ABCA12: variants seen among roughly 807,000 people sequenced by gnomAD.
The protein encoded by ABCA12 is glucosylceramide transporter ABCA12.
In ABCA12, 156 loss-of-function variants were observed where a neutral mutation model predicts 293.5. That is an observed-to-expected ratio of 0.53 (90% CI 0.47 to 0.61). ABCA12 has a LOEUF of 0.61. ABCA12 is among the 20% of genes least tolerant of loss of function. The probability of loss-of-function intolerance (pLI) is 0.00; values close to 1 mark genes in which losing one functional copy is unlikely to be tolerated. For synonymous variants in ABCA12, 1,063 were observed against 1,108.0 expected, an observed-to-expected ratio of 0.96 and a Z score of 0.81; for missense variants, 2,797 against 3,090.2, an observed-to-expected ratio of 0.91 and a Z score of 2.25.
Position 214,990,749 on chromosome 2 carries a change from GAAC to G in ABCA12, c.3574_3576del (p.Val1192del), listed in dbSNP as rs1426751757. 1.9e-6 allele frequency: 3 copies of G among 1,613,862 alleles called. No homozygotes were observed. The highest frequency in any genetic ancestry group is 2.5e-6 in the Non-Finnish European group (3 of 1,179,970). ...CTCAACTCATTCTCCACTGTAACCA[GAAC>G]AATAAATGGAAAGAAGGCAATGATG... On this transcript the variant is annotated inframe_deletion, in exon 24 of 53. Transcript: ENST00000272895.
intron 2 of ABCA12, among the ~76,000 whole-genome samples, chr2:215,102,509 G>A (rs1702380615): frequency 6.6e-6 from 1 of 152,176 alleles, no homozygotes; most frequent in Non-Finnish European, 1.5e-5. Context: ...TGAGGCAGGA[G>A]AATTGCTTGA....
chr2:214,963,850 G>A (rs912364290), intron 39 of ABCA12, among the ~76,000 whole-genome samples: 1 of 149,668 alleles, frequency 6.7e-6, no homozygotes, highest in Non-Finnish European at 1.5e-5. Context: ...AACCCGGGAG[G>A]CAGAGGTTGT....
intron 2 of ABCA12, among the ~76,000 whole-genome samples, chr2:215,093,929 G>T (rs1702199320): frequency 6.6e-6 from 1 of 152,180 alleles, no homozygotes; most frequent in Middle Eastern, 3.4e-3. Context: ...TCCTCACCCT[G>T]ATCACACTTG....
intron 5 of ABCA12, 28 bp downstream of exon 5, chr2:215,052,459 T>C: frequency 1.3e-6 from 2 of 1,575,114 alleles, no homozygotes; most frequent in Non-Finnish European, 1.7e-6. Context: ...TGAATCACTC[T>C]ACCCATTACA....
intron 1 of ABCA12, among the ~76,000 whole-genome samples, chr2:215,113,648 C>A (rs1297585027): frequency 1.3e-5 from 2 of 152,060 alleles, no homozygotes; most frequent in Admixed American, 6.6e-5. Context: ...TGGAAAATTT[C>A]TTTGGGATCA....
Position 215,049,682 on chromosome 2 carries a change from A to G in ABCA12, c.637T>C (p.Ser213Pro). 6.2e-7 allele frequency: 1 copy of G among 1,613,690 alleles called. No homozygotes were observed. Among genetic ancestry groups the G allele is most frequent in the African/African-American group, 1.3e-5 (1 of 75,032 alleles). ...GAAGACTCTAAAAGGGTCATGTTAG[A>G]AAGGCAAAATTTGTTAAAAACATTT... ...GRNVFNKFCL[S>P]NMTLLESSLQ... is the part of the protein sequence containing the mutation. Residue 213 changes from serine to proline, a missense_variant, in exon 6 of 53, where the codon TCT becomes CCT. Physicochemically the swap from Ser to Pro is moderately conservative, Grantham distance 74. Transcript: ENST00000272895.
At position 215,015,684 on chromosome 2, in the gene ABCA12, A is replaced by G. The variant is rs1250851985; in HGVS notation, c.1783-21T>C. On this transcript the variant is annotated intron_variant, in intron 14 of 52. Transcript: ENST00000272895. ...ATAATCTGCAAATGGAGGAAGAAAA[A>G]TATTTCAACTGTGAATCATTCGAGA... 3 of 1,609,762 alleles carry G rather than the reference A, an allele frequency of 1.9e-6. No individual in the cohort carries two copies. In the African/African-American group the frequency reaches 4.0e-5, roughly 22 times the overall value.
intron 40 of ABCA12, 126 bp from the exon 41 acceptor site, chr2:214,958,580 T>A: frequency 1.1e-6 from 1 of 946,872 alleles, no homozygotes; most frequent in Admixed American, 2.0e-5. Flanking sequence ...AAATAAGGCA[T>A]CCTGCAAGGC....
At chr2:214,944,786 CTATAAA>C (rs1157603930) in intron 49 of ABCA12, among the ~76,000 whole-genome samples, 5 of 151,946 alleles carry the variant, frequency 3.3e-5, no homozygotes, top group Non-Finnish European at 7.4e-5. Flanking sequence ...GCTCCTACTA[CTATAAA>C]TATAAAATAG....
chr2:214,981,163 T>C (rs1468161937), intron 30 of ABCA12, among the ~76,000 whole-genome samples: 1 of 152,064 alleles, frequency 6.6e-6, no homozygotes, highest in Non-Finnish European at 1.5e-5. Flanking sequence ...GACGCATTTT[T>C]TTTCATATAA....
chr2:215,123,175 CTTTTT>C (rs1262163414), intron 1 of ABCA12, among the ~76,000 whole-genome samples: 1 of 151,072 alleles, frequency 6.6e-6, no homozygotes, highest in Non-Finnish European at 1.5e-5. Context: ...TCTTTTTTTT[CTTTTT>C]GTCTCTTTTT....
chr2:215,131,702 G>GTTT (rs35844951), intron 1 of ABCA12, among the ~76,000 whole-genome samples: 1 of 80,180 alleles, frequency 1.2e-5, no homozygotes, highest in African/African-American at 3.8e-5. Flanking sequence ...CCTTTCTATT[G>GTTT]TTTTTTTTTT....
chr2:215,012,876 TA>T (rs1700407371), intron 15 of ABCA12, among the ~76,000 whole-genome samples: 1 of 152,226 alleles, frequency 6.6e-6, no homozygotes, highest in Non-Finnish European at 1.5e-5. Flanking sequence ...TCATGTATAC[TA>T]TTGCTCAAAA....
intron 22 of ABCA12, among the ~76,000 whole-genome samples, chr2:214,998,858 A>G (rs562409927): frequency 2.0e-5 from 3 of 152,300 alleles, no homozygotes; most frequent in African/African-American, 7.2e-5. Flanking sequence ...GTAGATGTCG[A>G]TGAGAGATTC....
chr2:214,981,343 A>G (rs976046605), intron 30 of ABCA12, among the ~76,000 whole-genome samples: 1 of 152,132 alleles, frequency 6.6e-6, no homozygotes, highest in African/African-American at 2.4e-5. Flanking sequence ...CAATAATTTA[A>G]GACTTTTTGA....
chr2:215,111,507 A>T (rs934516106), intron 2 of ABCA12, 90 bp downstream of exon 2: 214 of 1,045,514 alleles, frequency 2.0e-4, no homozygotes, highest in Admixed American at 8.2e-4. Flanking sequence ...TACAAAAAAA[A>T]ATTTTTGAAA....
intron 4 of ABCA12, 53 bp downstream of exon 4, chr2:215,054,520 C>A (rs1290196285): frequency 5.7e-6 from 8 of 1,398,764 alleles, no homozygotes; most frequent in Admixed American, 3.4e-5. Context: ...AAAGATTAGA[C>A]CTTTACTGTT....
In ABCA12 at chr2:215,049,630, G is replaced by A. The variant is rs779582140; in HGVS notation, c.689C>T (p.Ser230Phe). ...GGATCAAAGATCTACACTCACCTGGGAGAACTGTTTGTTTAGTTCTTGGAG... is the reference window on the plus strand; with the variant it reads ...GGATCAAAGATCTACACTCACCTGGAAGAACTGTTTGTTTAGTTCTTGGAG... ...SSLQELNKQF[S>F]QLSSDPNNQK... Residue 230 changes from serine (S) to phenylalanine (F), a missense_variant, in exon 6 of 53, where the codon TCC becomes TTC. Coordinates refer to ENST00000272895, the MANE Select transcript of ABCA12 (RefSeq NM_173076.3). 6.2e-6 allele frequency: 10 copies of A among 1,613,018 alleles called. No individual in the cohort carries two copies. The highest frequency in any genetic ancestry group is 3.3e-5 in the Admixed American group (2 of 59,974).
At chr2:214,956,504 A>C (rs1698953296) in intron 42 of ABCA12, among the ~76,000 whole-genome samples, 159 bp downstream of exon 42, 1 of 152,192 alleles carries the variant, frequency 6.6e-6, no homozygotes. Context: ...TATACTTTGC[A>C]GTCTATGGAC....
Sources: gnomAD v4.1 joint callset for allele counts (sites outside exome capture counted in the v4.1 genomes callset) on GRCh38, gnomAD v4.1.1 for gene constraint, MANE v1.5 for transcripts, NCBI Gene and HGNC (gene_info 2026-07-23, HGNC 2026-07-21) for gene names.